The following TENM4 variants were observed in gnomAD, a reference collection of about 807,000 sequenced individuals.
TENM4 encodes teneurin transmembrane protein 4, also known as teneurin-4.
TENM4 carries 82 observed loss-of-function variants against 243.3 expected under a neutral mutation model. The observed-to-expected ratio is 0.34, with a 90% CI of 0.28 to 0.40. TENM4 has a LOEUF of 0.40. Ranked by LOEUF, TENM4 falls within the 10% of genes least tolerant of loss-of-function variation. The pLI is 1.00. For synonymous variants in TENM4, 1,412 were observed against 1,456.3 expected, an observed-to-expected ratio of 0.97 and a Z score of 0.69; for missense variants, 3,138 against 3,673.3, an observed-to-expected ratio of 0.85 and a Z score of 3.77.
intron 29 of TENM4, among the ~76,000 whole-genome samples, chr11:78,686,141 CAAG>C: frequency 1.3e-5 from 2 of 152,242 alleles, no homozygotes; most frequent in South Asian, 4.1e-4. Flanking sequence ...ACAGAGAGGC[CAAG>C]AAGAATCTGA....
At chr11:78,778,299 A>G (rs988123054) in intron 17 of TENM4, among the ~76,000 whole-genome samples, 1 of 135,266 alleles carries the variant, frequency 7.4e-6, no homozygotes, top group African/African-American at 2.7e-5. Context: ...GATGGGGTGG[A>G]AAGAGTGAAA....
At position 78,809,876 on chromosome 11, in the gene TENM4, A is replaced by G. The variant is rs1002840086; in HGVS notation, c.1978+2246T>C. Among the ~76,000 whole-genome samples the G allele has an allele frequency of 1.7e-4, 26 of 152,208 alleles. 1 individual carries two copies. The highest frequency in any genetic ancestry group is 2.9e-5 in the Non-Finnish European group (2 of 68,038). On this transcript the variant is annotated intron_variant, in intron 14 of 33. Coordinates refer to ENST00000278550, the MANE Select transcript of TENM4 (RefSeq NM_001098816.3). ...CACAGGTCTTTCCCCCAAAAATGCC[A>G]TGCTTCAGTGACCACACAAGCTATT...
chr11:78,777,852 C>A (rs890838862), intron 17 of TENM4, among the ~76,000 whole-genome samples: 2 of 152,160 alleles, frequency 1.3e-5, no homozygotes, highest in Admixed American at 1.3e-4. Flanking sequence ...TTTCAGAGCA[C>A]ACATATCTGA....
At chr11:79,184,358 A>G (rs1413164761) in intron 3 of TENM4, among the ~76,000 whole-genome samples, 1 of 152,040 alleles carries the variant, frequency 6.6e-6, no homozygotes, top group African/African-American at 2.4e-5. Context: ...GGAATGTGCA[A>G]CCTAGATCCC....
At chr11:79,023,743 GTGGAC>G (rs1288606159) in intron 6 of TENM4, among the ~76,000 whole-genome samples, 1 of 152,184 alleles carries the variant, frequency 6.6e-6, no homozygotes, top group Non-Finnish European at 1.5e-5. Context: ...AGAGGGCCCA[GTGGAC>G]CAGGGTGGGT....
chr11:79,327,433 A>G (rs1311133017), intron 1 of TENM4, among the ~76,000 whole-genome samples: 3 of 152,200 alleles, frequency 2.0e-5, no homozygotes, highest in African/African-American at 7.2e-5. Context: ...CAATTCATAC[A>G]TCACTACCAC....
intron 6 of TENM4, among the ~76,000 whole-genome samples, chr11:78,954,723 T>TA (rs891220738): frequency 6.6e-6 from 1 of 152,074 alleles, no homozygotes; most frequent in Non-Finnish European, 1.5e-5. Flanking sequence ...CCTTTTGAAA[T>TA]AAAAAAATTC....
intron 18 of TENM4, among the ~76,000 whole-genome samples, chr11:78,765,786 A>G (rs914242923): frequency 6.6e-6 from 1 of 152,246 alleles, no homozygotes; most frequent in Non-Finnish European, 1.5e-5. Context: ...TGATGTACGC[A>G]GAGCGTCTAG....
chr11:79,374,211 C>T (rs542165404), intron 1 of TENM4, among the ~76,000 whole-genome samples: 103 of 152,236 alleles, frequency 6.8e-4, no homozygotes, highest in African/African-American at 2.3e-3. Context: ...ACAATGACCC[C>T]TCCAAATCGC....
chr11:79,087,199 T>C (rs1026276517), intron 4 of TENM4, among the ~76,000 whole-genome samples: 1 of 152,176 alleles, frequency 6.6e-6, no homozygotes, highest in Non-Finnish European at 1.5e-5. Context: ...GTGCCTTGTT[T>C]CCAAGTCACA....
chr11:79,403,884 C>G (rs1471629099), intron 1 of TENM4, among the ~76,000 whole-genome samples: 2 of 152,210 alleles, frequency 1.3e-5, no homozygotes, highest in Non-Finnish European at 2.9e-5. Flanking sequence ...CAATGATCAC[C>G]CTTTCAAAGA....
rs143098402 is a variant in TENM4, at chr11:79,365,547, G to A, written c.-320-68004C>T. On this transcript the variant is annotated intron_variant, in intron 1 of 33. Transcript: ENST00000278550. ...TGACCAGCCTTCTCTAAATCCCATTGTCTATTCCAGAAACATTTTTGCCAA... is the reference window on the plus strand; with the variant it reads ...TGACCAGCCTTCTCTAAATCCCATTATCTATTCCAGAAACATTTTTGCCAA... Among the ~76,000 whole-genome samples the A allele has an allele frequency of 3.0e-3, 457 of 152,304 alleles. 2 individuals carry two copies. The highest frequency in any genetic ancestry group is 0.01 in the African/African-American group (428 of 41,556).
At chr11:78,769,179 A>G (rs943957537) in intron 18 of TENM4, among the ~76,000 whole-genome samples, 6 of 152,226 alleles carry the variant, frequency 3.9e-5, no homozygotes, top group African/African-American at 1.4e-4. Context: ...TTGTGCCTAC[A>G]CAGGCAAACT....
At chr11:79,127,509 A>C (rs1192097536) in intron 4 of TENM4, among the ~76,000 whole-genome samples, 1 of 18,650 alleles carries the variant, frequency 5.4e-5, no homozygotes, top group Non-Finnish European at 3.5e-4. Flanking sequence ...CTTGGCAAAT[A>C]CTTTTTTTTC....
At position 78,903,299 on chromosome 11, in the gene TENM4, G is replaced by A. The variant is rs1208970133; in HGVS notation, c.718C>T (p.Leu240=). 6.7e-7 allele frequency: 1 copy of A among 1,488,638 alleles called. No homozygotes were observed. Among genetic ancestry groups the A allele is most frequent in the Non-Finnish European group, 8.9e-7 (1 of 1,122,388 alleles). 92.2% of individuals were successfully genotyped at this position (1,488,638 alleles called of 1,614,324 possible). A position where few individuals can be genotyped will look rare whatever the true frequency, so the allele number is the denominator to read the frequency against. Reference sequence around the variant, plus strand: ...TCCAGGGGGATGTTGCTGTTGAGCAGCCAGTTCTCCTGGGCGTGGGCAGGC... The same window carrying A: ...TCCAGGGGGATGTTGCTGTTGAGCAACCAGTTCTCCTGGGCGTGGGCAGGC... ...QEPAHAQENW[L]LNSNIPLETR... Residue 240 remains leucine, a synonymous_variant, in exon 7 of 34, where the codon CTG becomes TTG. Transcript: ENST00000278550.
intron 1 of TENM4, among the ~76,000 whole-genome samples, chr11:79,421,222 AC>A (rs1858924163): frequency 6.6e-6 from 1 of 152,086 alleles, no homozygotes; most frequent in Non-Finnish European, 1.5e-5. Context: ...TCATTCCATT[AC>A]CTTGTCTATA....
Position 78,669,227 on chromosome 11 carries a change from G to A in TENM4, c.7118C>T (p.Thr2373Ile), listed in dbSNP as rs1225894670. The A allele has an allele frequency of 3.1e-6, 5 of 1,613,810 alleles. No individual in the cohort carries two copies. Among genetic ancestry groups the A allele is most frequent in the Non-Finnish European group, 4.2e-6 (5 of 1,179,894 alleles). Residue 2373 changes from threonine to isoleucine, a missense_variant, in exon 32 of 34, where the codon ACA becomes ATA. Physicochemically the swap from Thr to Ile is moderately conservative, Grantham distance 89. Transcript: ENST00000278550. The surrounding 1 kb of genome is among the most constrained non-coding windows in gnomAD (Gnocchi z 6.4). ...IGTPLAVFSG[T>I]GLMIKQILYT... ...CAGGATTTGCTTGATCATCAAACCT[G>A]TTCCACTAAAGACAGCAAGAGGGGT...
chr11:78,745,151 C>G (rs1224447095), intron 19 of TENM4, among the ~76,000 whole-genome samples: 1 of 151,878 alleles, frequency 6.6e-6, no homozygotes, highest in African/African-American at 2.4e-5. Flanking sequence ...ATGTAATATA[C>G]TATTACATCA....
At chr11:78,891,193 C>T in intron 8 of TENM4, 45 bp downstream of exon 8, 1 of 1,532,346 alleles carries the variant, frequency 6.5e-7, no homozygotes, top group Non-Finnish European at 8.8e-7. Flanking sequence ...GTGCAGGAGC[C>T]ACAAGGAGAG....
Sources: gnomAD v4.1 joint callset for allele counts (sites outside exome capture counted in the v4.1 genomes callset) on GRCh38, gnomAD v4.1.1 for gene constraint, Gnocchi (gnomAD v3.1) non-coding constraint, MANE v1.5 for transcripts, NCBI Gene and HGNC (gene_info 2026-07-23, HGNC 2026-07-21) for gene names.